CUL2: variants seen among roughly 807,000 people sequenced by gnomAD.
The protein encoded by CUL2 is cullin 2, also known as cullin-2.
In CUL2, 22 loss-of-function variants were observed where a neutral mutation model predicts 110.2. The ratio of observed to expected loss-of-function variants is 0.20; its 90% CI spans 0.14 to 0.28. The LOEUF (loss-of-function observed/expected upper bound fraction) is 0.28, where lower values mean the gene tolerates loss of function less well. CUL2 is among the 10% of genes least tolerant of loss of function. The pLI, the probability that CUL2 is intolerant of heterozygous loss-of-function variation, is 1.00. For synonymous variants in CUL2, 279 were observed against 293.2 expected, an observed-to-expected ratio of 0.95 and a Z score of 0.49; for missense variants, 631 against 905.5, an observed-to-expected ratio of 0.70 and a Z score of 3.89.
intron 1 of CUL2, among the ~76,000 whole-genome samples, chr10:35,077,207 C>T (rs1453981680): frequency 2.0e-5 from 3 of 151,750 alleles, no homozygotes; most frequent in Admixed American, 2.0e-4. Context: ...CATGGATGAC[C>T]CTCAAAAACA....
intron 18 of CUL2, 127 bp downstream of exon 18, chr10:35,016,065 A>C: frequency 1.4e-6 from 1 of 735,694 alleles, no homozygotes; most frequent in Non-Finnish European, 2.2e-6. Context: ...AGCGTACAGT[A>C]ACGTAGTGAA....
rs935336440 is a variant in CUL2, at chr10:35,112,857, T to C, written c.-50-11797A>G. Among the ~76,000 whole-genome samples the C allele has an allele frequency of 2.0e-5, 3 of 152,068 alleles. 1 individual carries two copies. Among genetic ancestry groups the C allele is most frequent in the Non-Finnish European group, 4.4e-5 (3 of 68,012 alleles). ...CACCAATAATCTTAAAATAAAATTTTAAAAGGATCTAACTGATTTCAAGTA... is the reference window on the plus strand; with the variant it reads ...CACCAATAATCTTAAAATAAAATTTCAAAAGGATCTAACTGATTTCAAGTA... On this transcript the variant is annotated intron_variant, in intron 1 of 5. Coordinates refer to the CUL2 transcript ENST00000685421.
At chr10:35,086,222 C>T (rs2087061982) in intron 1 of CUL2, among the ~76,000 whole-genome samples, 2 of 151,534 alleles carry the variant, frequency 1.3e-5, no homozygotes, top group Non-Finnish European at 2.9e-5. Context: ...CAAGGCCGGG[C>T]ACAGTGGATC....
chr10:35,093,443 G>C (rs2087244411), upstream of CUL2, among the ~76,000 whole-genome samples: 1 of 151,866 alleles, frequency 6.6e-6, no homozygotes, highest in African/African-American at 2.4e-5. Context: ...CAGATCTCTT[G>C]AGTGTAGGAA....
At chr10:35,012,053 C>CTTTT in intron 19 of CUL2, 89 bp from the exon 20 acceptor site, 4 of 475,698 alleles carry the variant, frequency 8.4e-6, no homozygotes, top group East Asian at 4.1e-5. Flanking sequence ...AGTGCAAATA[C>CTTTT]TTTTTTTTTT....
At chr10:35,057,610 G>A (rs1163373336) in intron 4 of CUL2, among the ~76,000 whole-genome samples, 7 of 148,376 alleles carry the variant, frequency 4.7e-5, no homozygotes, top group African/African-American at 1.8e-4. Context: ...CCGAGATCGT[G>A]CCACTGCACT....
At chr10:35,037,757 C>A (rs972689899) in intron 9 of CUL2, among the ~76,000 whole-genome samples, 1 of 151,906 alleles carries the variant, frequency 6.6e-6, no homozygotes, top group Non-Finnish European at 1.5e-5. Flanking sequence ...GCAGGAGAAT[C>A]GCTTGAACCC....
At chr10:35,098,026 C>T (rs1050741328) in intron 2 of CUL2, 11 of 151,972 alleles carry the variant, frequency 7.2e-5, no homozygotes, top group South Asian at 2.1e-4. Context: ...GGTCTTTAAT[C>T]GGAAAAGCTC....
chr10:35,074,121 A>T (rs564681177), intron 1 of CUL2: 2 of 1,419,678 alleles, frequency 1.4e-6, no homozygotes, highest in Non-Finnish European at 1.9e-6. Context: ...TACAGTGGAC[A>T]AAACAAAGTT....
chr10:35,018,763 C>CAA (rs35275515), intron 17 of CUL2, among the ~76,000 whole-genome samples: 33,228 of 116,616 alleles, frequency 0.28, 5,572 homozygotes, highest in Non-Finnish European at 0.34. Context: ...AACTCCGTCT[C>CAA]AAAAAAAAAA....
intron 17 of CUL2, among the ~76,000 whole-genome samples, chr10:35,020,439 G>A (rs7923172): frequency 0.34 from 51,160 of 152,022 alleles, 8,638 homozygotes; most frequent in Non-Finnish European, 0.35. Context: ...AACAAAAGCA[G>A]GACAAATTTA....
chr10:35,101,847 G>A (rs1037277404), intron 1 of CUL2, among the ~76,000 whole-genome samples: 1 of 152,202 alleles, frequency 6.6e-6, no homozygotes, highest in African/African-American at 2.4e-5. Context: ...CACCAAAGGG[G>A]AATGGTTTCT....
Position 35,044,768 on chromosome 10 carries a change from T to G in CUL2, c.603+4A>C. The G allele has an allele frequency of 6.2e-7, 1 of 1,603,448 alleles. No individual in the cohort carries two copies. Among genetic ancestry groups the G allele is most frequent in the South Asian group, 1.1e-5 (1 of 89,368 alleles). On this transcript the variant is annotated splice_donor_region_variant and intron_variant, in intron 7 of 20. Transcript: ENST00000374749. ...ATTATTTGTTTTTAAAGGAGGCTGT[T>G]TACCTTTAAGGGGAATTTTTTCTTA...
chr10:35,078,538 T>G (rs1477636014), intron 1 of CUL2, among the ~76,000 whole-genome samples: 1 of 151,988 alleles, frequency 6.6e-6, no homozygotes, highest in Non-Finnish European at 1.5e-5. Context: ...CAACCTCAGG[T>G]GATCCCCCTG....
chr10:35,049,583 GCC>G (rs2086041533), intron 6 of CUL2, 98 bp downstream of exon 6: 2 of 885,526 alleles, frequency 2.3e-6, no homozygotes, highest in Admixed American at 5.0e-5. Context: ...AGTAAAACCA[GCC>G]CCAAGGCTAG....
Position 35,025,213 on chromosome 10 carries a change from A to AC in CUL2, c.1618-16_1618-15insG. The AC allele has an allele frequency of 1.3e-6, 2 of 1,562,392 alleles. No homozygotes were observed. The highest frequency in any genetic ancestry group is 1.7e-6 in the Non-Finnish European group (2 of 1,162,452). ...AATAATTCAAACTGTAAAAAAAAAA[A>AC]AAAAACACACATTATTTTTAGCTAC... On this transcript the variant is annotated splice_polypyrimidine_tract_variant and intron_variant, in intron 16 of 20. Transcript: ENST00000374749.
intron 2 of CUL2, among the ~76,000 whole-genome samples, chr10:35,065,254 A>ATGGCTTTTTTT (rs2086487082): frequency 6.6e-6 from 1 of 152,198 alleles, no homozygotes; most frequent in African/African-American, 2.4e-5. Context: ...AAGACAAAAA[A>ATGGCTTTTTTT]TGTTGGCTGG....
At chr10:35,123,923 T>C (rs570310904) in intron 1 of CUL2, among the ~76,000 whole-genome samples, 239 of 152,292 alleles carry the variant, frequency 1.6e-3, no homozygotes, top group African/African-American at 5.6e-3. Context: ...TTGAGGACAG[T>C]ATAGAAGATG....
intron 1 of CUL2, among the ~76,000 whole-genome samples, chr10:35,073,591 TTTTTTCTTTTTC>T (rs59923574): frequency 6.6e-6 from 1 of 151,856 alleles, no homozygotes; most frequent in South Asian, 2.1e-4. Context: ...TTTTCTTTTT[TTTTTTCTTTTTC>T]TTTTTCTTTT....
Sources: gnomAD v4.1 joint callset for allele counts (sites outside exome capture counted in the v4.1 genomes callset) on GRCh38, gnomAD v4.1.1 for gene constraint, MANE v1.5 for transcripts, NCBI Gene and HGNC (gene_info 2026-07-23, HGNC 2026-07-21) for gene names.